The following ZNRF3 variants were observed in gnomAD, a reference collection of about 807,000 sequenced individuals.
The protein encoded by ZNRF3 is zinc and ring finger 3.
ZNRF3 carries 23 observed loss-of-function variants against 72.5 expected under a neutral mutation model. That is an observed-to-expected ratio of 0.32 (90% CI 0.23 to 0.45). The LOEUF is 0.45. Ranked by LOEUF, ZNRF3 falls within the 20% of genes least tolerant of loss-of-function variation. ZNRF3 has a pLI of 1.00. For missense variants in ZNRF3, 1,169 were observed against 1,272.1 expected, an observed-to-expected ratio of 0.92 and a Z score of 1.23; for synonymous variants, 610 against 545.3, an observed-to-expected ratio of 1.12 and a Z score of -1.65.
chr22:28,917,399 T>A, intron 1 of ZNRF3: 8 of 985,452 alleles, frequency 8.1e-6, no homozygotes, highest in Non-Finnish European at 7.2e-6. Context: ...GCACAGAAGT[T>A]TGCTGCATCA....
intron 2 of ZNRF3, 145 bp from the exon 3 acceptor site, chr22:29,042,350 T>A: frequency 1.6e-6 from 1 of 616,510 alleles, no homozygotes; most frequent in Non-Finnish European, 2.9e-6. Flanking sequence ...AAATTGAGGA[T>A]TAGGAAAGTG....
chr22:29,035,028 C>G (rs2036841775), intron 2 of ZNRF3, among the ~76,000 whole-genome samples: 1 of 130,272 alleles, frequency 7.7e-6, no homozygotes, highest in East Asian at 2.3e-4. Context: ...TTTTAATAGA[C>G]ACACGGAGTC....
intron 2 of ZNRF3, among the ~76,000 whole-genome samples, chr22:28,992,358 A>T (rs1050893087): frequency 2.6e-5 from 4 of 152,078 alleles, no homozygotes; most frequent in Non-Finnish European, 1.5e-5. Context: ...AGAACCCATG[A>T]CAGGGGTGCT....
Position 29,049,494 on chromosome 22 carries a change from G to C in ZNRF3, c.1313G>C (p.Arg438Pro), listed in dbSNP as rs966334000. 4 of 1,604,588 alleles carry C rather than the reference G, an allele frequency of 2.5e-6. No homozygotes were observed. Among genetic ancestry groups the C allele is most frequent in the Non-Finnish European group, 1.7e-6 (2 of 1,179,606 alleles). ...GCTCACCGCTGCGGCCTGGAGCACC[G>C]GGCCTACTCCCCAGCCCACCCCTTC... ...LAAHRCGLEH[R>P]AYSPAHPFRR... Residue 438 changes from arginine (R) to proline (P), a missense_variant, in exon 8 of 9, where the codon CGG becomes CCG. By Grantham distance (103) the Arg-to-Pro change is moderately radical (BLOSUM62 -2). Around this residue, in one of 2 missense-constraint regions of ZNRF3, gnomAD observed 783 missense variants for 731.4 expected, o/e 1.07. Transcript: ENST00000544604. The surrounding 1 kb of genome is among the most constrained non-coding windows in gnomAD (Gnocchi z 5.2).
chr22:28,937,922 G>A (rs2034871696), intron 1 of ZNRF3, among the ~76,000 whole-genome samples: 1 of 152,168 alleles, frequency 6.6e-6, no homozygotes, highest in Non-Finnish European at 1.5e-5. Flanking sequence ...TGCAAAGATA[G>A]AACAGAGGGC....
At position 29,049,482 on chromosome 22, in the gene ZNRF3, G is replaced by T. The variant is rs2037140902; in HGVS notation, c.1301G>T (p.Gly434Val). The T allele has an allele frequency of 1.2e-6, 2 of 1,604,758 alleles. No individual in the cohort carries two copies. The highest frequency in any genetic ancestry group is 3.3e-5 in the Admixed American group (2 of 59,926). ...CACAGCCTGGCCGCTCACCGCTGCG[G>T]CCTGGAGCACCGGGCCTACTCCCCA... The part of the protein sequence containing the change: ...LDHSLAAHRC[G>V]LEHRAYSPAH... Residue 434 changes from glycine to valine, a missense_variant, in exon 8 of 9, where the codon GGC becomes GTC. By Grantham distance (109) the Gly-to-Val change is moderately radical. This residue lies in a region of ZNRF3 where 783 missense variants were observed against 731.4 expected (regional missense o/e 1.07). Transcript: ENST00000544604. The surrounding 1 kb of genome is among the most constrained non-coding windows in gnomAD (Gnocchi z 5.2).
In ZNRF3 at chr22:28,932,650, G is replaced by T. The variant is rs762024073; in HGVS notation, c.300+48584G>T. On this transcript the variant is annotated intron_variant, in intron 1 of 8. Coordinates refer to ENST00000544604, the MANE Select transcript of ZNRF3 (RefSeq NM_001206998.2). ...AGAGGCAAAACTGGGCAGAAAAGTG[G>T]GCTTCTGCAACTGGAACCCCAAAAG... is the stretch of plus-strand genomic sequence containing the variant. Among the ~76,000 whole-genome samples the T allele has an allele frequency of 1.4e-3, 214 of 152,116 alleles. 2 individuals carry two copies. The highest frequency in any genetic ancestry group is 4.7e-4 in the Non-Finnish European group (32 of 68,034).
chr22:29,050,798 A>G lies in ZNRF3; in HGVS notation c.2617A>G (p.Thr873Ala), dbSNP rs1183584681. Residue 873 changes from threonine to alanine, a missense_variant, in exon 8 of 9, where the codon ACC becomes GCC. Around this residue, in one of 2 missense-constraint regions of ZNRF3, gnomAD observed 783 missense variants for 731.4 expected, o/e 1.07. Transcript: ENST00000544604. ...TPRPHRGLGA[T>A]REEERALCCQ... is the part of the protein sequence containing the mutation. Reference sequence around the variant, plus strand: ...ACGGCCCCACAGGGGCCTGGGAGCAACCCGGGAAGAGGAGCGGGCTCTGTG... The same window carrying G: ...ACGGCCCCACAGGGGCCTGGGAGCAGCCCGGGAAGAGGAGCGGGCTCTGTG... 2 of 1,607,986 alleles carry G rather than the reference A, an allele frequency of 1.2e-6. No individual in the cohort carries two copies. Among genetic ancestry groups the G allele is most frequent in the Admixed American group, 3.4e-5 (2 of 59,328 alleles).
chr22:28,982,899 C>T (rs16986925), intron 1 of ZNRF3, among the ~76,000 whole-genome samples: 3,311 of 152,200 alleles, frequency 0.022, 46 homozygotes, highest in African/African-American at 0.047. Context: ...ATATGATATT[C>T]AATAGGTGGG....
At position 28,919,727 on chromosome 22, in the gene ZNRF3, G is replaced by A. The variant is rs553450598; in HGVS notation, c.300+35661G>A. ...TCACCATGTTGGCCAAGCTGGTCTC[G>A]AACTCCTAACCTCAGGTGATTCGCT... On this transcript the variant is annotated intron_variant, in intron 1 of 8. Transcript: ENST00000544604. Among the ~76,000 whole-genome samples, 8 of 151,734 alleles carry A rather than the reference G, an allele frequency of 5.3e-5. No homozygotes were observed. The East Asian group carries it at 1.4e-3, about 26-fold the overall frequency.
intron 1 of ZNRF3, among the ~76,000 whole-genome samples, chr22:28,975,605 C>T (rs183372443): frequency 4.0e-5 from 6 of 151,128 alleles, no homozygotes; most frequent in East Asian, 3.9e-4. Flanking sequence ...GACATGGTGG[C>T]GGGCGCCTGT....
At chr22:28,937,205 ATATATATATATTTTTTTTTTT>A (rs1434574359) in intron 1 of ZNRF3, among the ~76,000 whole-genome samples, 315 of 4,048 alleles carry the variant, frequency 0.078, 4 homozygotes, top group South Asian at 0.29. Context: ...ATATATATAT[ATATATATATATTTTTTTTTTT>A]TTTTTTTTTT....
chr22:28,994,636 G>A (rs115083348), intron 2 of ZNRF3, among the ~76,000 whole-genome samples: 5,508 of 152,192 alleles, frequency 0.036, 172 homozygotes, highest in African/African-American at 0.086. Context: ...AGATGAAAAA[G>A]TACTGGAGAT....
chr22:28,938,198 C>T (rs1201360673), intron 1 of ZNRF3, among the ~76,000 whole-genome samples: 1 of 152,118 alleles, frequency 6.6e-6, no homozygotes, highest in Non-Finnish European at 1.5e-5. Flanking sequence ...ATTATGCACA[C>T]ACACCCATCC....
intron 1 of ZNRF3, among the ~76,000 whole-genome samples, chr22:28,938,236 T>G (rs1231394887): frequency 1.3e-5 from 2 of 152,164 alleles, no homozygotes; most frequent in Non-Finnish European, 2.9e-5. Context: ...GCTTTTTTCA[T>G]TTAAATATGT....
chr22:28,946,108 A>G lies in ZNRF3; in HGVS notation c.301-40968A>G, dbSNP rs140859661. Among the ~76,000 whole-genome samples, 1,158 of 152,338 alleles carry G rather than the reference A, an allele frequency of 7.6e-3. 17 individuals are homozygous for G. Among genetic ancestry groups the G allele is most frequent in the African/African-American group, 0.027 (1,120 of 41,572 alleles). ...GATTAGGGATGCTCAACTGGTCCGT[A>G]TAATGCAAATATTTGAGGATCTGGT... On this transcript the variant is annotated intron_variant, in intron 1 of 8. Transcript: ENST00000544604.
chr22:29,028,521 A>G (rs1465508664), intron 2 of ZNRF3, among the ~76,000 whole-genome samples: 1 of 152,230 alleles, frequency 6.6e-6, no homozygotes. Context: ...GAGGTTCAGC[A>G]TTCACATTGA....
chr22:28,975,157 G>A (rs965395335), intron 1 of ZNRF3, among the ~76,000 whole-genome samples: 10 of 152,006 alleles, frequency 6.6e-5, no homozygotes, highest in African/African-American at 1.7e-4. Context: ...AGTGGCTTAC[G>A]CCTGTAATCC....
At position 28,937,209 on chromosome 22, in the gene ZNRF3, ATATATATTTTTTTTTTT is replaced by A. The variant is rs1486916925; in HGVS notation, c.301-49865_301-49849del. Among the ~76,000 whole-genome samples, 22 of 2,708 alleles carry A rather than the reference ATATATATTTTTTTTTTT, an allele frequency of 8.1e-3. No homozygotes were observed. The South Asian group carries it at 0.18, about 22-fold the overall frequency. The allele number at this position is 2,708 out of a possible 152,430, so 1.8% of individuals were successfully genotyped here. On this transcript the variant is annotated intron_variant, in intron 1 of 8. Coordinates refer to ENST00000544604, the MANE Select transcript of ZNRF3 (RefSeq NM_001206998.2). ...TATATATATATATATATATATATAT[ATATATATTTTTTTTTTT>A]TTTTTTTTTTTTAACAAAAGGAAAG...
Sources: allele counts gnomAD v4.1 joint callset (sites outside exome capture counted in the v4.1 genomes callset), GRCh38; gene constraint gnomAD v4.1.1; regional missense constraint gnomAD v4.1.1; non-coding constraint Gnocchi (gnomAD v3.1); transcripts MANE v1.5; gene names NCBI Gene and HGNC (gene_info 2026-07-23, HGNC 2026-07-21).